CEP295: variants seen among roughly 807,000 people sequenced by gnomAD.
The protein encoded by CEP295 is centrosomal protein 295, also known as centrosomal protein of 295 kDa.
Under a neutral mutation model 291.6 loss-of-function variants are expected in CEP295, and 190 were observed. The observed-to-expected ratio is 0.65, with a 90% CI of 0.58 to 0.73. The LOEUF (loss-of-function observed/expected upper bound fraction) is 0.73, where lower values mean the gene tolerates loss of function less well. Ranked by LOEUF, CEP295 falls within the 30% of genes least tolerant of loss-of-function variation. The probability of loss-of-function intolerance (pLI) is 0.00; values close to 1 mark genes in which losing one functional copy is unlikely to be tolerated. For synonymous variants in CEP295, 993 were observed against 1,038.8 expected, an observed-to-expected ratio of 0.96 and a Z score of 0.85; for missense variants, 2,863 against 2,949.4, an observed-to-expected ratio of 0.97 and a Z score of 0.68.
Position 93,729,827 on chromosome 11 carries a change from A to G in CEP295, c.7568-43A>G, listed in dbSNP as rs764122688. The G allele has an allele frequency of 7.1e-6, 11 of 1,538,600 alleles. No homozygotes were observed. In the South Asian group the frequency reaches 1.1e-4, roughly 15 times the overall value. On this transcript the variant is annotated intron_variant, in intron 27 of 29. Coordinates refer to ENST00000325212, the MANE Select transcript of CEP295 (RefSeq NM_033395.2). ...CTTCAACCAACTCCCTGAAATGTTTAAAGCCTTGTGTTTACAACTTGATTT... is the reference window on the plus strand; with the variant it reads ...CTTCAACCAACTCCCTGAAATGTTTGAAGCCTTGTGTTTACAACTTGATTT...
intron 17 of CEP295, among the ~76,000 whole-genome samples, chr11:93,703,917 C>T (rs1952352170): frequency 6.6e-6 from 1 of 151,840 alleles, no homozygotes; most frequent in Non-Finnish European, 1.5e-5. Flanking sequence ...TAGAGGCACC[C>T]GCCACCAAGC....
In CEP295 at chr11:93,727,567, C is replaced by A; in HGVS notation, c.7091C>A (p.Ser2364Tyr). 1 of 1,551,462 alleles carries A rather than the reference C, an allele frequency of 6.4e-7. No individual in the cohort carries two copies. The highest frequency in any genetic ancestry group is 8.7e-7 in the Non-Finnish European group (1 of 1,146,894). Reference protein sequence around the residue: ...TDIPKITKKLSQLGESELFAS... With the variant: ...TDIPKITKKLYQLGESELFAS... ...ATTCCAAAAATCACCAAAAAACTAT[C>A]TCAACTAGGAGAATCAGAGCTTTTT... is the stretch of plus-strand genomic sequence containing the variant. Residue 2364 changes from serine (S) to tyrosine (Y), a missense_variant, in exon 24 of 30, where the codon TCT becomes TAT. Physicochemically the swap from Ser to Tyr is moderately radical, Grantham distance 144 (BLOSUM62 -2). Around this residue, in one of 3 missense-constraint regions of CEP295, gnomAD observed 2,295 missense variants for 2,335.7 expected, o/e 0.98. Transcript: ENST00000325212.
chr11:93,693,716 A>G (rs1285878175), intron 12 of CEP295, among the ~76,000 whole-genome samples: 1 of 152,218 alleles, frequency 6.6e-6, no homozygotes, highest in Non-Finnish European at 1.5e-5. Context: ...AGATTGTGCC[A>G]CTGCATTCGC....
In CEP295 at chr11:93,707,295, A is replaced by G. The variant is rs182118602; in HGVS notation, c.5749+398A>G. Reference sequence around the variant, plus strand: ...GGAAAAATAAAGATAATTAGAAGGAAAAATATTTAAATCACTTAATCCTAA... The same window carrying G: ...GGAAAAATAAAGATAATTAGAAGGAGAAATATTTAAATCACTTAATCCTAA... On this transcript the variant is annotated intron_variant, in intron 18 of 29. Transcript: ENST00000325212. Among the ~76,000 whole-genome samples the G allele has an allele frequency of 4.9e-3, 742 of 152,262 alleles. 13 individuals carry two copies. Among genetic ancestry groups the G allele is most frequent in the African/African-American group, 0.017 (695 of 41,560 alleles).
At chr11:93,712,234 C>G (rs1952955680) in intron 18 of CEP295, among the ~76,000 whole-genome samples, 1 of 149,886 alleles carries the variant, frequency 6.7e-6, no homozygotes, top group South Asian at 2.1e-4. Context: ...TGGTTTTTGT[C>G]TTGAAATTTT....
In CEP295 at chr11:93,689,007, G is replaced by A. The variant is rs577367347; in HGVS notation, c.1336+1142G>A. On this transcript the variant is annotated intron_variant, in intron 10 of 29. Transcript: ENST00000325212. Reference sequence around the variant, plus strand: ...CTGGTTCCCTCTTTTCATATCTTATGTATCTTATGTCCAAACTATTAGCTG... The same window carrying A: ...CTGGTTCCCTCTTTTCATATCTTATATATCTTATGTCCAAACTATTAGCTG... Among the ~76,000 whole-genome samples, 87 of 152,146 alleles carry A rather than the reference G, an allele frequency of 5.7e-4. 1 individual carries two copies. The highest frequency in any genetic ancestry group is 1.0e-3 in the Non-Finnish European group (71 of 68,006).
Position 93,729,629 on chromosome 11 carries a change from T to C in CEP295, c.7415T>C (p.Leu2472Pro). The C allele has an allele frequency of 6.4e-7, 1 of 1,550,722 alleles. No homozygotes were observed. The highest frequency in any genetic ancestry group is 1.2e-5 in the South Asian group (1 of 83,962). ...RTASTETPRR[L>P]TPVPGSLQEA... ...CCCCCAGCAGAAACCCCTCGCAGGC[T>C]TACACCTGTACCAGGGAGCTTACAA... The change falls in exon 27 of 30, where the codon CTT (leucine) becomes CCT (proline). Residue 2472 changes from leucine (L) to proline (P), a missense_variant. Around this residue, in one of 3 missense-constraint regions of CEP295, gnomAD observed 2,295 missense variants for 2,335.7 expected, o/e 0.98. Coordinates refer to ENST00000325212, the MANE Select transcript of CEP295 (RefSeq NM_033395.2).
At chr11:93,683,886 G>A (rs918634896) in intron 8 of CEP295, 78 bp from the exon 9 acceptor site, 137 of 1,473,948 alleles carry the variant, frequency 9.3e-5, no homozygotes, top group Middle Eastern at 1.8e-4. Context: ...AGACATTACC[G>A]TGGCCTTTGC....
intron 25 of CEP295, 52 bp downstream of exon 25, chr11:93,728,873 T>A: frequency 8.2e-6 from 12 of 1,464,532 alleles, no homozygotes; most frequent in Non-Finnish European, 1.0e-5. Flanking sequence ...AACCAGTTGA[T>A]TTGTCTCTTA....
rs1215239280 is a variant in CEP295, at chr11:93,668,847, A to G, written c.349A>G (p.Arg117Gly). ...LDALAQRAAE[R>G]KRKADLRHKE... The stretch of plus-strand genomic sequence containing the variant: ...TGCTTTGGCACAGCGGGCAGCAGAA[A>G]GGAAAAGAAAAGCAGATTTGAGGCA... The change falls in exon 4 of 30, where the codon AGG becomes GGG. Residue 117 changes from arginine to glycine, a missense_variant. By Grantham distance (125) the Arg-to-Gly change is moderately radical. Transcript: ENST00000325212. 5 of 1,526,486 alleles carry G rather than the reference A, an allele frequency of 3.3e-6. No individual in the cohort carries two copies. Among genetic ancestry groups the G allele is most frequent in the Non-Finnish European group, 3.5e-6 (4 of 1,134,136 alleles). The allele number at this position is 1,526,486 out of a possible 1,614,324, so 94.6% of individuals were successfully genotyped here. A position where few individuals can be genotyped will look rare whatever the true frequency, so the allele number is the denominator to read the frequency against.
Position 93,698,496 on chromosome 11 carries a change from A to C in CEP295, c.3584A>C (p.Lys1195Thr), listed in dbSNP as rs1397724688. ...EFVHTESELE[K>T]RISSEQTGTS... The stretch of plus-strand genomic sequence containing the variant: ...GTACACACAGAAAGTGAATTGGAGA[A>C]AAGAATTTCTTCTGAACAGACTGGC... The change falls in exon 15 of 30, where the codon AAA (lysine) becomes ACA (threonine). Residue 1195 changes from lysine to threonine, a missense_variant. Coordinates refer to ENST00000325212, the MANE Select transcript of CEP295 (RefSeq NM_033395.2). 1 of 1,551,920 alleles carries C rather than the reference A, an allele frequency of 6.4e-7. No homozygotes were observed. The highest frequency in any genetic ancestry group is 8.7e-7 in the Non-Finnish European group (1 of 1,147,054).
At chr11:93,681,746 T>G (rs1950979335) in intron 7 of CEP295, among the ~76,000 whole-genome samples, 1 of 151,934 alleles carries the variant, frequency 6.6e-6, no homozygotes, top group South Asian at 2.1e-4. Context: ...GAGACGGGGT[T>G]TCACCATGTT....
At position 93,728,988 on chromosome 11, in the gene CEP295, A is replaced by G. The variant is rs1014421183; in HGVS notation, c.7302+167A>G. ...GTCTTAAACCTTCACTATTCTGTCAACCATTGTGCATTTTCTTTTAATCCC... is the reference window on the plus strand; with the variant it reads ...GTCTTAAACCTTCACTATTCTGTCAGCCATTGTGCATTTTCTTTTAATCCC... On this transcript the variant is annotated intron_variant, in intron 25 of 29. Transcript: ENST00000325212. 8 of 588,328 alleles carry G rather than the reference A, an allele frequency of 1.4e-5. No individual in the cohort carries two copies. The Admixed American group carries it at 1.4e-4, about 10-fold the overall frequency. The allele number at this position is 588,328 out of a possible 1,614,324, so 36.4% of individuals were successfully genotyped here. A position where few individuals can be genotyped will look rare whatever the true frequency, so the allele number is the denominator to read the frequency against.
chr11:93,669,653 T>G (rs1416692852), intron 4 of CEP295, 24 bp from the exon 5 acceptor site: 1 of 1,448,536 alleles, frequency 6.9e-7, no homozygotes, highest in Non-Finnish European at 9.5e-7. Context: ...AGAGATTAAT[T>G]GATGACATCT....
intron 12 of CEP295, among the ~76,000 whole-genome samples, chr11:93,692,827 G>T (rs954435321): frequency 1.7e-4 from 26 of 151,580 alleles, no homozygotes; most frequent in Non-Finnish European, 3.2e-4. Context: ...ACAAAAATCA[G>T]CTGGGTGTGG....
intron 19 of CEP295, 171 bp from the exon 20 acceptor site, chr11:93,721,783 G>T: frequency 1.4e-6 from 1 of 724,250 alleles, no homozygotes; most frequent in Non-Finnish European, 2.5e-6. Flanking sequence ...GTCTATGAAA[G>T]CCTAATCATT....
Position 93,721,334 on chromosome 11 carries a change from T to G in CEP295, c.5772T>G (p.Val1924=). The change falls in exon 19 of 30, where the codon GTT becomes GTG. Residue 1924 remains valine, a synonymous_variant. Transcript: ENST00000325212. ...CAGTTAAGCTGAAGGAATCTGTTGT[T>G]GAAAATCATGCAGTGTTAAGTTATG... ...DEAVKLKESV[V]ENHAVLSYAV... 3 of 1,553,888 alleles carry G rather than the reference T, an allele frequency of 1.9e-6. No homozygotes were observed. The highest frequency in any genetic ancestry group is 2.6e-6 in the Non-Finnish European group (3 of 1,147,182).
chr11:93,729,011 C>A lies in CEP295; in HGVS notation c.7302+190C>A, dbSNP rs150844620. On this transcript the variant is annotated intron_variant, in intron 25 of 29. Coordinates refer to ENST00000325212, the MANE Select transcript of CEP295 (RefSeq NM_033395.2). ...CAACCATTGTGCATTTTCTTTTAAT[C>A]CCCACTCCAATTTATGCCTGTCTCC... 602 of 547,900 alleles carry A rather than the reference C, an allele frequency of 1.1e-3. 4 individuals are homozygous for A. The highest frequency in any genetic ancestry group is 0.011 in the African/African-American group (557 of 52,146). 33.9% of individuals were successfully genotyped at this position (547,900 alleles called of 1,614,324 possible). A position where few individuals can be genotyped will look rare whatever the true frequency, so the allele number is the denominator to read the frequency against.
chr11:93,698,567 G>T lies in CEP295; in HGVS notation c.3655G>T (p.Glu1219Ter). 1 of 1,552,172 alleles carries T rather than the reference G, an allele frequency of 6.4e-7. No individual in the cohort carries two copies. The highest frequency in any genetic ancestry group is 8.7e-7 in the Non-Finnish European group (1 of 1,147,116). The change falls in exon 15 of 30, where the codon GAA becomes TAA. Residue 1219 changes from glutamate (E) to a stop codon, truncating the protein, a stop_gained. Transcript: ENST00000325212. LOFTEE classifies it high-confidence loss of function. ...SQVDESERFQ[E>*]CISIKSDSTI... ...GGTGGATGAATCTGAGAGATTCCAG[G>T]AATGTATATCAATCAAGAGTGACAG... is the stretch of plus-strand genomic sequence containing the variant.
Sources: allele counts gnomAD v4.1 joint callset (sites outside exome capture counted in the v4.1 genomes callset), GRCh38; gene constraint gnomAD v4.1.1; regional missense constraint gnomAD v4.1.1; transcripts MANE v1.5; gene names NCBI Gene and HGNC (gene_info 2026-07-23, HGNC 2026-07-21).